The following FERMT1 variants were observed in gnomAD, a reference collection of about 807,000 sequenced individuals.
The protein encoded by FERMT1 is fermitin family homolog 1.
A neutral mutation model predicts 85.3 loss-of-function variants in FERMT1; 60 were observed. The observed-to-expected ratio is 0.70, with a 90% CI of 0.57 to 0.87. The LOEUF (loss-of-function observed/expected upper bound fraction) is 0.87, where lower values mean the gene tolerates loss of function less well. FERMT1 is among the 40% of genes least tolerant of loss of function. The pLI, the probability that FERMT1 is intolerant of heterozygous loss-of-function variation, is 0.00. For synonymous variants in FERMT1, 275 were observed against 301.1 expected (o/e 0.91, Z 0.90); for missense variants, 701 against 818.9 (o/e 0.86, Z 1.76).
intron 6 of FERMT1, among the ~76,000 whole-genome samples, chr20:6,100,266 CAT>C (rs1427987678): frequency 6.6e-6 from 1 of 151,986 alleles, no homozygotes; most frequent in Non-Finnish European, 1.5e-5. Flanking sequence ...ATTAAAAAGA[CAT>C]AAAATATGAT....
intron 2 of FERMT1, among the ~76,000 whole-genome samples, chr20:6,117,106 A>G (rs6038361): frequency 0.033 from 5,102 of 152,320 alleles, 306 homozygotes; most frequent in African/African-American, 0.12. Flanking sequence ...TGTTAGCACC[A>G]ATGTCAATCT....
chr20:6,103,686 G>A, intron 6 of FERMT1, among the ~76,000 whole-genome samples: 1 of 150,016 alleles, frequency 6.7e-6, no homozygotes, highest in East Asian at 1.9e-4. Context: ...TCTTATTACT[G>A]ATTTTTAGGA....
At chr20:6,112,688 G>A in intron 3 of FERMT1, 65 bp from the exon 4 acceptor site, 1 of 1,126,600 alleles carries the variant, frequency 8.9e-7, no homozygotes, top group Non-Finnish European at 1.2e-6. Flanking sequence ...AAGACTCAGG[G>A]TCATTTTGTG....
chr20:6,081,005 G>A (rs990157910), intron 13 of FERMT1, among the ~76,000 whole-genome samples: 4 of 152,174 alleles, frequency 2.6e-5, no homozygotes, highest in African/African-American at 9.7e-5. Flanking sequence ...ACTGAGGCCT[G>A]GCTGGGTGCA....
intron 9 of FERMT1, among the ~76,000 whole-genome samples, chr20:6,092,312 A>G (rs1358056593): frequency 6.6e-6 from 1 of 152,160 alleles, no homozygotes; most frequent in Non-Finnish European, 1.5e-5. Context: ...TGGGAGGCCA[A>G]AAAGGGAAGA....
chr20:6,076,297 C>A lies in FERMT1; in HGVS notation c.*876G>T. The A allele has an allele frequency of 7.8e-6, 3 of 383,044 alleles. No homozygotes were observed. Among genetic ancestry groups the A allele is most frequent in the South Asian group, 5.9e-5 (3 of 50,516 alleles). 23.7% of individuals were successfully genotyped at this position (383,044 alleles called of 1,614,324 possible). On this transcript the variant is annotated 3_prime_UTR_variant, in exon 15 of 15. Transcript: ENST00000217289. ...AGACACCTGACTGGAATCCTTGACA[C>A]TGGCAGGTGTTTCTATGAACAGAGA... is the stretch of plus-strand genomic sequence containing the variant.
intron 2 of FERMT1, among the ~76,000 whole-genome samples, chr20:6,117,158 C>T (rs1983124553): frequency 6.6e-6 from 1 of 152,156 alleles, no homozygotes; most frequent in Non-Finnish European, 1.5e-5. Flanking sequence ...AATCTTTACC[C>T]TTCATCAATA....
At chr20:6,086,196 T>C (rs1600428749) in intron 11 of FERMT1, among the ~76,000 whole-genome samples, 1 of 151,634 alleles carries the variant, frequency 6.6e-6, no homozygotes, top group Non-Finnish European at 1.5e-5. Context: ...CACAGATAGG[T>C]GGTGAAACCG....
intron 5 of FERMT1, among the ~76,000 whole-genome samples, chr20:6,108,999 G>A (rs772330109): frequency 1.3e-5 from 2 of 152,176 alleles, no homozygotes; most frequent in African/African-American, 4.8e-5. Context: ...AGCCCCAGCT[G>A]AATGTGGCTG....
chr20:6,082,879 T>C (rs951553719), intron 13 of FERMT1, among the ~76,000 whole-genome samples: 1 of 151,976 alleles, frequency 6.6e-6, no homozygotes, highest in African/African-American at 2.4e-5. Context: ...AGAGTGGTCT[T>C]GAACTCTTGA....
chr20:6,077,711 C>G (rs963002438), intron 14 of FERMT1, among the ~76,000 whole-genome samples: 2 of 145,816 alleles, frequency 1.4e-5, no homozygotes, highest in African/African-American at 2.6e-5. Context: ...GATGGAGTCT[C>G]TCTCTGTCAC....
In FERMT1 at chr20:6,104,858, C is replaced by T. The variant is rs1317306057; in HGVS notation, c.849+2674G>A. On this transcript the variant is annotated intron_variant, in intron 6 of 14. Coordinates refer to ENST00000217289, the MANE Select transcript of FERMT1 (RefSeq NM_017671.5). This position sits in a 1 kb window ranked among gnomAD's most constrained non-coding sequence, Gnocchi z 4.2. ...ATCTGCCATTATCTGGCTTATTTGACTGTGAAGTCACTTACATGTTCCTAA... is the reference window on the plus strand; with the variant it reads ...ATCTGCCATTATCTGGCTTATTTGATTGTGAAGTCACTTACATGTTCCTAA... 6.6e-6 allele frequency among the ~76,000 whole-genome samples: 1 copy of T among 152,216 alleles called. No individual in the cohort carries two copies. Among genetic ancestry groups the T allele is most frequent in the South Asian group, 2.1e-4 (1 of 4,836 alleles).
chr20:6,108,027 G>A (rs368866063), intron 5 of FERMT1, among the ~76,000 whole-genome samples: 1 of 152,092 alleles, frequency 6.6e-6, no homozygotes, highest in South Asian at 2.1e-4. Flanking sequence ...CACCATGCCC[G>A]GCTAAATTTT....
chr20:6,115,283 A>G (rs1217219964), intron 3 of FERMT1, among the ~76,000 whole-genome samples: 1 of 152,222 alleles, frequency 6.6e-6, no homozygotes, highest in Non-Finnish European at 1.5e-5. Context: ...GTTAAATTAT[A>G]GGATACCAAA....
chr20:6,087,317 T>C (rs1982213780), intron 11 of FERMT1, among the ~76,000 whole-genome samples: 1 of 152,166 alleles, frequency 6.6e-6, no homozygotes, highest in South Asian at 2.1e-4. Flanking sequence ...TTATTGTTTT[T>C]CTTTTTCTGG....
chr20:6,084,475 C>T (rs1372078750), intron 12 of FERMT1, among the ~76,000 whole-genome samples: 1 of 152,102 alleles, frequency 6.6e-6, no homozygotes, highest in South Asian at 2.1e-4. Flanking sequence ...CTCATCTGTG[C>T]AACTTTTAAC....
chr20:6,083,382 G>A (rs541301381), intron 13 of FERMT1, among the ~76,000 whole-genome samples: 1 of 152,262 alleles, frequency 6.6e-6, no homozygotes, highest in African/African-American at 2.4e-5. Context: ...TTCAGACCCA[G>A]AAATCTTCAG....
chr20:6,093,887 T>C (rs1222409312), intron 9 of FERMT1, among the ~76,000 whole-genome samples: 13 of 151,890 alleles, frequency 8.6e-5, no homozygotes, highest in African/African-American at 1.5e-4. Context: ...ACCCAGGAGG[T>C]GGAGGTTGCA....
intron 6 of FERMT1, among the ~76,000 whole-genome samples, chr20:6,101,681 C>T (rs1982661929): frequency 6.6e-6 from 1 of 152,202 alleles, no homozygotes; most frequent in Non-Finnish European, 1.5e-5. Flanking sequence ...GAGATGGACT[C>T]TTGCTCTGTT....
Sources: gnomAD v4.1 joint callset for allele counts (sites outside exome capture counted in the v4.1 genomes callset) on GRCh38, gnomAD v4.1.1 for gene constraint, Gnocchi (gnomAD v3.1) non-coding constraint, MANE v1.5 for transcripts, NCBI Gene and HGNC (gene_info 2026-07-23, HGNC 2026-07-21) for gene names.